The following COBLL1 variants were observed in gnomAD, a reference collection of about 807,000 sequenced individuals.
COBLL1 encodes the protein cordon-bleu protein-like 1.
Under a neutral mutation model 94.8 loss-of-function variants are expected in COBLL1, and 50 were observed. The ratio of observed to expected loss-of-function variants is 0.53; its 90% CI spans 0.42 to 0.67. The LOEUF is 0.67. COBLL1 is among the 30% of genes least tolerant of loss of function. COBLL1 has a pLI of 0.00. For synonymous variants in COBLL1, 448 were observed against 473.8 expected (o/e 0.95, Z 0.71); for missense variants, 1,362 against 1,348.7 (o/e 1.01, Z -0.15).
chr2:164,704,644 C>T, intron 8 of COBLL1, 126 bp from the exon 9 acceptor site: 1 of 750,378 alleles, frequency 1.3e-6, no homozygotes, highest in Non-Finnish European at 2.2e-6. Context: ...TACTATCTAG[C>T]TGTAAAACAC....
intron 2 of COBLL1, among the ~76,000 whole-genome samples, chr2:164,788,167 C>A (rs528976490): frequency 6.6e-6 from 1 of 152,244 alleles, no homozygotes; most frequent in South Asian, 2.1e-4. Flanking sequence ...AAAACCCAAG[C>A]CCAGGCCAGC....
chr2:164,716,938 C>T (rs1172007279), intron 7 of COBLL1, among the ~76,000 whole-genome samples: 1 of 152,096 alleles, frequency 6.6e-6, no homozygotes, highest in Admixed American at 6.5e-5. Flanking sequence ...ATCAGTAAAC[C>T]TTGACTAAGG....
chr2:164,820,598 T>C lies in COBLL1; in HGVS notation c.41+20558A>G, dbSNP rs190765819. ...AAATCTTTAAAATTATCTAGTTCTCTGAAATAACAAAATAGTAATGTATTC... is the reference window on the plus strand; with the variant it reads ...AAATCTTTAAAATTATCTAGTTCTCCGAAATAACAAAATAGTAATGTATTC... On this transcript the variant is annotated intron_variant, in intron 2 of 13. Transcript: ENST00000652658. 2.4e-3 allele frequency among the ~76,000 whole-genome samples: 360 copies of C among 152,332 alleles called. 2 individuals carry two copies. Among genetic ancestry groups the C allele is most frequent in the Non-Finnish European group, 4.2e-3 (289 of 68,014 alleles).
At chr2:164,731,979 G>A (rs1220453741) in intron 3 of COBLL1, among the ~76,000 whole-genome samples, 3 of 152,034 alleles carry the variant, frequency 2.0e-5, no homozygotes, top group East Asian at 1.9e-4. Flanking sequence ...CAAACAACAC[G>A]TTACATAGAT....
chr2:164,727,539 C>T (rs3769884), intron 5 of COBLL1, among the ~76,000 whole-genome samples: 25,779 of 151,796 alleles, frequency 0.17, 2,865 homozygotes, highest in African/African-American at 0.32. Flanking sequence ...TGGCAAGAAA[C>T]TTCCAAACTT....
rs1410274836 is a variant in COBLL1, at chr2:164,683,852, G to A, written c.*2094C>T. 6.6e-6 allele frequency: 1 copy of A among 152,112 alleles called. No homozygotes were observed. Among genetic ancestry groups the A allele is most frequent in the Non-Finnish European group, 1.5e-5 (1 of 68,012 alleles). 9.4% of individuals were successfully genotyped at this position (152,112 alleles called of 1,614,324 possible). ...GTGGAAGTCTATCATATGAATATATGCATTACTAAAGCTGAGCACGGGTTA... is the reference window on the plus strand; with the variant it reads ...GTGGAAGTCTATCATATGAATATATACATTACTAAAGCTGAGCACGGGTTA... On this transcript the variant is annotated 3_prime_UTR_variant, in exon 14 of 14. Coordinates refer to ENST00000652658, the MANE Select transcript of COBLL1 (RefSeq NM_001365672.2).
chr2:164,788,715 A>T (rs1410422469), intron 2 of COBLL1, among the ~76,000 whole-genome samples: 1 of 152,086 alleles, frequency 6.6e-6, no homozygotes, highest in Non-Finnish European at 1.5e-5. Context: ...CTGGCCGGAC[A>T]CAGTGGCTCA....
rs1558926545 is a variant in COBLL1 at position 164,695,106 on chromosome 2, A to G, written c.2286T>C (p.His762=). 6 of 1,613,918 alleles carry G rather than the reference A, an allele frequency of 3.7e-6. No homozygotes were observed. The highest frequency in any genetic ancestry group is 5.1e-6 in the Non-Finnish European group (6 of 1,179,960). Residue 762 remains histidine, a synonymous_variant, in exon 12 of 14, where the codon CAT becomes CAC. Transcript: ENST00000652658. The part of the protein sequence containing the change: ...TIEYKDDQDM[H]ALGKKHTHEN... ...CATGAGTGTGCTTTTTCCCTAAAGC[A>G]TGCATGTCCTGATCATCTTTATACT...
chr2:164,796,339 G>C (rs1284767526), intron 2 of COBLL1, among the ~76,000 whole-genome samples: 1 of 152,114 alleles, frequency 6.6e-6, no homozygotes, highest in African/African-American at 2.4e-5. Flanking sequence ...ATGAGGATGT[G>C]AGAATGGACA....
At chr2:164,817,790 T>C (rs535220000) in intron 2 of COBLL1, among the ~76,000 whole-genome samples, 1 of 152,296 alleles carries the variant, frequency 6.6e-6, no homozygotes, top group African/African-American at 2.4e-5. Flanking sequence ...ACAGCCATGC[T>C]TGTTTTTCCT....
intron 3 of COBLL1, among the ~76,000 whole-genome samples, chr2:164,735,107 G>C (rs1449997061): frequency 6.6e-6 from 1 of 152,188 alleles, no homozygotes; most frequent in Admixed American, 6.5e-5. Context: ...TGTGTACATA[G>C]ATGTGAGCTC....
At chr2:164,763,019 A>G (rs1442175496) in intron 2 of COBLL1, among the ~76,000 whole-genome samples, 1 of 152,148 alleles carries the variant, frequency 6.6e-6, no homozygotes, top group East Asian at 1.9e-4. Flanking sequence ...TTTTAAAAAA[A>G]TAAAGGTTTG....
At position 164,692,249 on chromosome 2, in the gene COBLL1, G is replaced by C; in HGVS notation, c.3272C>G (p.Ser1091Trp). The change falls in exon 13 of 14, where the codon TCG (serine) becomes TGG (tryptophan). Residue 1091 changes from serine to tryptophan, a missense_variant. Ser to Trp is a radical substitution (Grantham distance 177). Coordinates refer to ENST00000652658, the MANE Select transcript of COBLL1 (RefSeq NM_001365672.2). ...MRQSLLTAIRSGEAAAKLKRV... is the reference protein window; with the variant it reads ...MRQSLLTAIRWGEAAAKLKRV... Reference sequence around the variant, plus strand: ...TTTCAATTTGGCAGCAGCCTCTCCCGAACGGATTGCAGTCAGCAAACTCTG... The same window carrying C: ...TTTCAATTTGGCAGCAGCCTCTCCCCAACGGATTGCAGTCAGCAAACTCTG... 2 of 1,611,358 alleles carry C rather than the reference G, an allele frequency of 1.2e-6. No individual in the cohort carries two copies. The highest frequency in any genetic ancestry group is 1.7e-6 in the Non-Finnish European group (2 of 1,178,908).
chr2:164,696,476 T>C (rs1683950283), intron 11 of COBLL1: 1 of 152,180 alleles, frequency 6.6e-6, no homozygotes, highest in Non-Finnish European at 1.5e-5. Flanking sequence ...TAGAGGACTT[T>C]ATTTTTAGTT....
At chr2:164,822,522 C>A (rs73015548) in intron 2 of COBLL1, among the ~76,000 whole-genome samples, 1 of 151,980 alleles carries the variant, frequency 6.6e-6, no homozygotes, top group Non-Finnish European at 1.5e-5. Context: ...CTGCCCCTGA[C>A]GAAGGTAGTA....
At chr2:164,709,910 A>T (rs1684797449) in intron 7 of COBLL1, among the ~76,000 whole-genome samples, 1 of 152,172 alleles carries the variant, frequency 6.6e-6, no homozygotes, top group Non-Finnish European at 1.5e-5. Context: ...CAAAGGCAAG[A>T]GTTTTGAAGA....
At chr2:164,834,132 C>A (rs1005165111) in intron 2 of COBLL1, among the ~76,000 whole-genome samples, 1 of 152,032 alleles carries the variant, frequency 6.6e-6, no homozygotes, top group East Asian at 1.9e-4. Context: ...AATATTAGAA[C>A]ACCAAAAGCT....
chr2:164,801,433 C>A (rs1176101630), intron 2 of COBLL1, among the ~76,000 whole-genome samples: 1 of 93,600 alleles, frequency 1.1e-5, no homozygotes, highest in Non-Finnish European at 1.8e-5. Context: ...AGCGAGACTC[C>A]GTCTCAAAAA....
intron 2 of COBLL1, among the ~76,000 whole-genome samples, chr2:164,763,098 G>A (rs1271031052): frequency 6.6e-6 from 1 of 152,128 alleles, no homozygotes; most frequent in Non-Finnish European, 1.5e-5. Context: ...ACAGAGTTGA[G>A]TGGTTGTGAC....
Sources: allele counts gnomAD v4.1 joint callset (sites outside exome capture counted in the v4.1 genomes callset), GRCh38; gene constraint gnomAD v4.1.1; transcripts MANE v1.5; gene names NCBI Gene and HGNC (gene_info 2026-07-23, HGNC 2026-07-21).